The following LARS2 variants were observed in gnomAD, a reference collection of about 807,000 sequenced individuals.
LARS2 encodes leucine--tRNA ligase, mitochondrial.
In LARS2, 81 loss-of-function variants were observed where a neutral mutation model predicts 116.6. The observed-to-expected ratio is 0.69, with a 90% CI of 0.58 to 0.84. The LOEUF (loss-of-function observed/expected upper bound fraction) is 0.84. Among genes scored for constraint, LARS2 ranks in the 40% least tolerant of loss-of-function variants. The pLI is 0.00. For missense variants in LARS2, 968 were observed against 1,114.5 expected (o/e 0.87, Z 1.87); for synonymous variants, 396 against 407.2 (o/e 0.97, Z 0.33).
At chr3:45,531,853 C>T (rs1260974561) in intron 20 of LARS2, among the ~76,000 whole-genome samples, 1 of 152,238 alleles carries the variant, frequency 6.6e-6, no homozygotes, top group African/African-American at 2.4e-5. Context: ...AATCTACTCT[C>T]TTAGCAATTT....
chr3:45,395,840 G>A (rs2125672811), intron 3 of LARS2, among the ~76,000 whole-genome samples: 2 of 152,202 alleles, frequency 1.3e-5, no homozygotes, highest in South Asian at 4.1e-4. Context: ...GATGTAGTGT[G>A]TAACAAGTAA....
intron 9 of LARS2, 116 bp downstream of exon 9, chr3:45,474,466 A>G: frequency 2.1e-6 from 1 of 472,812 alleles, no homozygotes; most frequent in Non-Finnish European, 3.7e-6. Context: ...AAACGTGTAC[A>G]ATTTTAAATT....
Position 45,491,229 on chromosome 3 carries a change from G to A in LARS2, c.1240-288G>A, listed in dbSNP as rs77373076. 5.2e-3 allele frequency among the ~76,000 whole-genome samples: 792 copies of A among 152,280 alleles called. 12 individuals are homozygous for A. The highest frequency in any genetic ancestry group is 0.018 in the African/African-American group (763 of 41,550). On this transcript the variant is annotated intron_variant, in intron 12 of 21. Coordinates refer to ENST00000645846, the MANE Select transcript of LARS2 (RefSeq NM_015340.4). ...AATACTTTTAGAGGCCTCTGCAAAA[G>A]TTTTAATTTCTTTTAAAATCAGAAG... is the stretch of plus-strand genomic sequence containing the variant.
rs531843468 is a variant in LARS2, at chr3:45,430,446, A to AT, written c.516+10724dup. On this transcript the variant is annotated intron_variant, in intron 6 of 21. Coordinates refer to ENST00000645846, the MANE Select transcript of LARS2 (RefSeq NM_015340.4). ...GGCGCCTGCCACCATGCCCCGCTAA[A>AT]TTTTTTTGTATTTTTAGTAGAGACG... 1.8e-3 allele frequency among the ~76,000 whole-genome samples: 218 copies of AT among 124,344 alleles called. 1 individual carries two copies. The highest frequency in any genetic ancestry group is 6.4e-3 in the African/African-American group (208 of 32,646). The allele number at this position is 124,344 out of a possible 152,430, so 81.6% of individuals were successfully genotyped here. A position where few individuals can be genotyped will look rare whatever the true frequency, so the allele number is the denominator to read the frequency against.
rs185019608 is a variant in LARS2 at position 45,397,232 on chromosome 3, A to G, written c.234+2545A>G. ...TCAATCAGATTCTTGCTCAATTATA[A>G]CAGAAACTCCCATCATTCCTTCTCT... On this transcript the variant is annotated intron_variant, in intron 3 of 21. Coordinates refer to ENST00000645846, the MANE Select transcript of LARS2 (RefSeq NM_015340.4). 4.0e-3 allele frequency among the ~76,000 whole-genome samples: 612 copies of G among 152,316 alleles called. 3 individuals are homozygous for G. The highest frequency in any genetic ancestry group is 0.023 in the South Asian group (110 of 4,812).
In LARS2 at chr3:45,428,822, T is replaced by C. The variant is rs1306473746; in HGVS notation, c.516+9093T>C. On this transcript the variant is annotated intron_variant, in intron 6 of 21. Coordinates refer to ENST00000645846, the MANE Select transcript of LARS2 (RefSeq NM_015340.4). ...TCATATACCTTTCACCTAGATTCAA[T>C]AATTATTGCTGTATTCGCTTTATCT... Among the ~76,000 whole-genome samples the C allele has an allele frequency of 2.6e-5, 4 of 152,246 alleles. No individual in the cohort carries two copies. The East Asian group carries it at 7.7e-4, about 29-fold the overall frequency.
chr3:45,414,611 T>G (rs1005979626), intron 4 of LARS2, among the ~76,000 whole-genome samples: 1 of 152,260 alleles, frequency 6.6e-6, no homozygotes, highest in East Asian at 1.9e-4. Context: ...GGCTCATGCC[T>G]GTAATCCTGG....
intron 15 of LARS2, among the ~76,000 whole-genome samples, chr3:45,504,334 C>T (rs986085304): frequency 6.6e-5 from 10 of 151,884 alleles, no homozygotes; most frequent in Non-Finnish European, 1.0e-4. Flanking sequence ...AGACAGAAAC[C>T]CATTTTCATT....
chr3:45,457,985 A>G (rs1237259089), intron 7 of LARS2, among the ~76,000 whole-genome samples: 1 of 152,208 alleles, frequency 6.6e-6, no homozygotes, highest in Non-Finnish European at 1.5e-5. Flanking sequence ...TAGAAGGCAC[A>G]ACAGAGTTTT....
In LARS2 at chr3:45,523,976, C is replaced by T. The variant is rs568952265; in HGVS notation, c.2293-21C>T. 132 of 1,582,990 alleles carry T rather than the reference C, an allele frequency of 8.3e-5. 1 individual carries two copies. The highest frequency in any genetic ancestry group is 2.2e-4 in the South Asian group (20 of 90,392). ...TTATTTTTACACCTCAGTCTTCTTA[C>T]TTTTTTTTCCTCTTCCTTAGCAAGC... On this transcript the variant is annotated intron_variant, in intron 19 of 21. Coordinates refer to ENST00000645846, the MANE Select transcript of LARS2 (RefSeq NM_015340.4).
chr3:45,468,718 G>A (rs1699474994), intron 8 of LARS2, among the ~76,000 whole-genome samples: 1 of 152,220 alleles, frequency 6.6e-6, no homozygotes, highest in Admixed American at 6.5e-5. Flanking sequence ...AGATGGATAA[G>A]TGTAACCTGA....
At chr3:45,468,858 T>C (rs1156752688) in intron 8 of LARS2, among the ~76,000 whole-genome samples, 1 of 152,222 alleles carries the variant, frequency 6.6e-6, no homozygotes, top group Admixed American at 6.5e-5. Context: ...CATTCCCTGA[T>C]GGGCATACCT....
chr3:45,431,358 TA>T (rs1167041767), intron 6 of LARS2, among the ~76,000 whole-genome samples: 7 of 152,202 alleles, frequency 4.6e-5, no homozygotes, highest in Non-Finnish European at 7.3e-5. Context: ...CTAATACATT[TA>T]AAAAAATTAT....
Position 45,497,886 on chromosome 3 carries a change from A to T in LARS2, c.1622+1513A>T, listed in dbSNP as rs1180129483. The stretch of plus-strand genomic sequence containing the variant: ...CGTGCCACTGCACTCCAGCCTGGGC[A>T]ACAAAGTGAGACTTCCTCTCAAAAA... On this transcript the variant is annotated intron_variant, in intron 14 of 21. Transcript: ENST00000645846. 2.6e-5 allele frequency among the ~76,000 whole-genome samples: 4 copies of T among 152,042 alleles called. No homozygotes were observed. The East Asian group carries it at 7.7e-4, about 29-fold the overall frequency.
At chr3:45,497,742 A>G (rs2125737888) in intron 14 of LARS2, among the ~76,000 whole-genome samples, 1 of 152,168 alleles carries the variant, frequency 6.6e-6, no homozygotes, top group East Asian at 1.9e-4. Context: ...CCCCAACTCT[A>G]CCAAAAATAC....
intron 10 of LARS2, among the ~76,000 whole-genome samples, chr3:45,483,286 C>A (rs1286638367): frequency 6.6e-6 from 1 of 152,192 alleles, no homozygotes; most frequent in African/African-American, 2.4e-5. Flanking sequence ...AACCCCTCAC[C>A]TCCCAGCCTC....
chr3:45,431,180 A>G (rs1454656337), intron 6 of LARS2, among the ~76,000 whole-genome samples: 1 of 152,150 alleles, frequency 6.6e-6, no homozygotes, highest in Non-Finnish European at 1.5e-5. Flanking sequence ...CTCACCAAGA[A>G]CCCAATCAGC....
intron 6 of LARS2, among the ~76,000 whole-genome samples, chr3:45,438,668 A>C (rs1037994734): frequency 2.0e-5 from 1 of 50,694 alleles, no homozygotes; most frequent in Non-Finnish European, 7.8e-5. Flanking sequence ...AAATACCAAA[A>C]AAAAAAAAAA....
intron 20 of LARS2, among the ~76,000 whole-genome samples, chr3:45,534,573 T>A (rs1293448999): frequency 6.6e-6 from 1 of 152,166 alleles, no homozygotes; most frequent in Non-Finnish European, 1.5e-5. Context: ...TCCACCAAGG[T>A]GGCATGTCAG....
Sources: gnomAD v4.1 joint callset for allele counts (sites outside exome capture counted in the v4.1 genomes callset) on GRCh38, gnomAD v4.1.1 for gene constraint, MANE v1.5 for transcripts, NCBI Gene and HGNC (gene_info 2026-07-23, HGNC 2026-07-21) for gene names.